The following GABBR2 variants were observed in gnomAD, a reference collection of about 807,000 sequenced individuals.
GABBR2 encodes G-protein coupled receptor 51.
Under a neutral mutation model 105.6 loss-of-function variants are expected in GABBR2, and 23 were observed. The ratio of observed to expected loss-of-function variants is 0.22; its 90% CI spans 0.16 to 0.31. The LOEUF is 0.31. Ranked by LOEUF, GABBR2 falls within the 10% of genes least tolerant of loss-of-function variation. GABBR2 has a pLI of 1.00. For synonymous variants in GABBR2, 478 were observed against 499.7 expected (o/e 0.96, Z 0.58); for missense variants, 734 against 1,245.5 (o/e 0.59, Z 6.18).
At chr9:98,477,583 C>T (rs1442972374) in intron 5 of GABBR2, among the ~76,000 whole-genome samples, 2 of 152,178 alleles carry the variant, frequency 1.3e-5, no homozygotes, top group African/African-American at 2.4e-5. Context: ...CTATGACTGA[C>T]AAACGGGTAC....
At chr9:98,639,661 CCA>C (rs1414972949) in intron 1 of GABBR2, among the ~76,000 whole-genome samples, 1 of 152,056 alleles carries the variant, frequency 6.6e-6, no homozygotes, top group East Asian at 1.9e-4. Flanking sequence ...TTCTGGTTTT[CCA>C]CACTCTGCTT....
intron 7 of GABBR2, among the ~76,000 whole-genome samples, chr9:98,453,119 C>G (rs546191881): frequency 1.3e-5 from 2 of 152,164 alleles, no homozygotes; most frequent in Admixed American, 1.3e-4. Flanking sequence ...CTCTGCTTCC[C>G]GGGTTCAAGC....
chr9:98,696,060 G>C (rs769715672), intron 1 of GABBR2, among the ~76,000 whole-genome samples: 4 of 152,192 alleles, frequency 2.6e-5, no homozygotes, highest in Non-Finnish European at 5.9e-5. Context: ...GAGACCAATA[G>C]GGATCAAATA....
intron 1 of GABBR2, among the ~76,000 whole-genome samples, chr9:98,697,250 G>A (rs1226724173): frequency 1.3e-5 from 2 of 152,178 alleles, no homozygotes; most frequent in African/African-American, 4.8e-5. Flanking sequence ...CTAGCACTTT[G>A]GGAGGCCGAG....
At chr9:98,628,933 C>T (rs1161057297) in intron 1 of GABBR2, among the ~76,000 whole-genome samples, 1 of 152,236 alleles carries the variant, frequency 6.6e-6, no homozygotes, top group African/African-American at 2.4e-5. Flanking sequence ...CTTCCCCACA[C>T]TGTGTCCTTT....
intron 6 of GABBR2, among the ~76,000 whole-genome samples, chr9:98,459,118 G>C (rs1475781967): frequency 6.6e-6 from 1 of 152,082 alleles, no homozygotes; most frequent in Admixed American, 6.6e-5. Flanking sequence ...ATACACAACA[G>C]CCCCTCAAAG....
chr9:98,424,155 G>A (rs1399675283), intron 7 of GABBR2, among the ~76,000 whole-genome samples: 2 of 152,128 alleles, frequency 1.3e-5, no homozygotes, highest in African/African-American at 4.8e-5. Context: ...CTTCATCCCT[G>A]GGATGCAAGG....
intron 8 of GABBR2, among the ~76,000 whole-genome samples, chr9:98,395,501 G>A (rs1028963133): frequency 1.3e-5 from 2 of 152,108 alleles, no homozygotes; most frequent in African/African-American, 4.8e-5. Context: ...AGTGAGCCAA[G>A]TGAAAAGAGG....
intron 3 of GABBR2, among the ~76,000 whole-genome samples, chr9:98,531,969 T>G (rs1828075980): frequency 6.6e-6 from 1 of 152,226 alleles, no homozygotes; most frequent in Non-Finnish European, 1.5e-5. Flanking sequence ...CATTTCACCA[T>G]GTCTGTGCAC....
intron 7 of GABBR2, among the ~76,000 whole-genome samples, chr9:98,414,082 AAGTGT>A (rs1464062713): frequency 6.6e-6 from 1 of 152,252 alleles, no homozygotes; most frequent in Non-Finnish European, 1.5e-5. Context: ...AGATTGCATG[AAGTGT>A]AGGGTCTGGT....
In GABBR2 at chr9:98,651,155, T is replaced by G. The variant is rs899052331; in HGVS notation, c.321+57262A>C. Among the ~76,000 whole-genome samples the G allele has an allele frequency of 5.7e-3, 867 of 151,154 alleles. 27 individuals carry two copies. Among genetic ancestry groups the G allele is most frequent in the East Asian group, 0.057 (295 of 5,166 alleles). Reference sequence around the variant, plus strand: ...CACACACTGGTTTTTTTTTTTTTTTTTTTTTTTTGAGACAGTGTTACTCTG... The same window carrying G: ...CACACACTGGTTTTTTTTTTTTTTTGTTTTTTTTGAGACAGTGTTACTCTG... On this transcript the variant is annotated intron_variant, in intron 1 of 18. Transcript: ENST00000259455.
chr9:98,474,605 C>T (rs147799484), intron 5 of GABBR2, among the ~76,000 whole-genome samples: 5 of 152,318 alleles, frequency 3.3e-5, no homozygotes, highest in Non-Finnish European at 7.3e-5. Context: ...GAGTCACCCA[C>T]ATTAGGAGAT....
At chr9:98,428,533 A>C (rs1368631662) in intron 7 of GABBR2, among the ~76,000 whole-genome samples, 2 of 152,202 alleles carry the variant, frequency 1.3e-5, no homozygotes, top group Non-Finnish European at 1.5e-5. Flanking sequence ...AAGGAAGAAG[A>C]AAAGTAGAGA....
intron 3 of GABBR2, among the ~76,000 whole-genome samples, chr9:98,513,806 G>T (rs367703636): frequency 2.6e-5 from 4 of 152,150 alleles, no homozygotes; most frequent in Non-Finnish European, 5.9e-5. Context: ...TACACTGTTG[G>T]TGGGACTGTA....
chr9:98,594,850 G>A (rs1272768110), intron 1 of GABBR2, among the ~76,000 whole-genome samples: 1 of 152,224 alleles, frequency 6.6e-6, no homozygotes, highest in African/African-American at 2.4e-5. Flanking sequence ...GCAGAAGCTC[G>A]AGCCCTTTGC....
chr9:98,444,222 TAAAAC>T (rs1371046996), intron 7 of GABBR2, among the ~76,000 whole-genome samples: 1 of 152,040 alleles, frequency 6.6e-6, no homozygotes, highest in African/African-American at 2.4e-5. Context: ...AAGCAGAAAA[TAAAAC>T]AGACAATAAA....
intron 7 of GABBR2, among the ~76,000 whole-genome samples, chr9:98,407,377 C>T (rs1446577083): frequency 6.6e-6 from 1 of 152,132 alleles, no homozygotes; most frequent in African/African-American, 2.4e-5. Context: ...CTTCCAAGGC[C>T]ACCTGGACAC....
intron 2 of GABBR2, among the ~76,000 whole-genome samples, chr9:98,556,700 G>A (rs2131755799): frequency 6.6e-6 from 1 of 152,264 alleles, no homozygotes; most frequent in Middle Eastern, 3.4e-3. Context: ...TTCCTTAACT[G>A]TAAAATGGGG....
In GABBR2 at chr9:98,585,976, C is replaced by T. The variant is rs1206512163; in HGVS notation, c.322-7904G>A. On this transcript the variant is annotated intron_variant, in intron 1 of 18. Coordinates refer to ENST00000259455, the MANE Select transcript of GABBR2 (RefSeq NM_005458.8). ...TTGGATAAGGGGTACTCAACCTGTACTGTTATTTCCCTTTTACAGATAAGG... is the reference window on the plus strand; with the variant it reads ...TTGGATAAGGGGTACTCAACCTGTATTGTTATTTCCCTTTTACAGATAAGG... 8.3e-5 allele frequency among the ~76,000 whole-genome samples: 2 copies of T among 24,080 alleles called. 1 individual carries two copies. The highest frequency in any genetic ancestry group is 2.4e-4 in the Non-Finnish European group (2 of 8,216). 15.8% of individuals were successfully genotyped at this position (24,080 alleles called of 152,430 possible). A position where few individuals can be genotyped will look rare whatever the true frequency, so the allele number is the denominator to read the frequency against.
Sources: allele counts gnomAD v4.1 joint callset (sites outside exome capture counted in the v4.1 genomes callset), GRCh38; gene constraint gnomAD v4.1.1; transcripts MANE v1.5; gene names NCBI Gene and HGNC (gene_info 2026-07-23, HGNC 2026-07-21).